Variants in NEBL observed in about 807,000 individuals in gnomAD.
The protein encoded by NEBL is nebulette.
In NEBL, 122 loss-of-function variants were observed where a neutral mutation model predicts 140.2. The observed-to-expected ratio is 0.87, with a 90% CI of 0.75 to 1.01. The LOEUF (loss-of-function observed/expected upper bound fraction) is 1.01. Among genes scored for constraint, NEBL ranks in the 50% least tolerant of loss-of-function variants. The pLI is 0.00. For synonymous variants in NEBL, 436 were observed against 398.9 expected (o/e 1.09, Z -1.11); for missense variants, 1,365 against 1,231.3 (o/e 1.11, Z -1.62).
At chr10:20,819,316 T>C in intron 20 of NEBL, 108 bp downstream of exon 20, 3 of 1,560,114 alleles carry the variant, frequency 1.9e-6, no homozygotes, top group South Asian at 1.1e-5. Context: ...TATTTGGTTT[T>C]ACGTTCCTGT....
At chr10:21,043,313 C>T (rs996730517) in intron 2 of NEBL, among the ~76,000 whole-genome samples, 6 of 152,044 alleles carry the variant, frequency 3.9e-5, no homozygotes, top group Admixed American at 3.9e-4. Flanking sequence ...AAAAAACAGC[C>T]GTCAACATTG....
At chr10:20,837,276 A>G (rs1840991697) in intron 13 of NEBL, among the ~76,000 whole-genome samples, 2 of 152,218 alleles carry the variant, frequency 1.3e-5, no homozygotes, top group South Asian at 4.1e-4. Flanking sequence ...TGAACACATG[A>G]ATTATAAGAA....
At chr10:21,073,630 A>T (rs1159811421) in intron 2 of NEBL, among the ~76,000 whole-genome samples, 3 of 151,626 alleles carry the variant, frequency 2.0e-5, no homozygotes, top group African/African-American at 7.3e-5. Context: ...AAAAAAAAAA[A>T]AAAAAAAGTC....
chr10:21,126,577 A>T (rs1468596202), intron 2 of NEBL, among the ~76,000 whole-genome samples: 1 of 152,206 alleles, frequency 6.6e-6, no homozygotes, highest in African/African-American at 2.4e-5. Context: ...AAAAGGAATC[A>T]TAAAGACCAA....
intron 3 of NEBL, among the ~76,000 whole-genome samples, chr10:20,995,429 C>T (rs543678095): frequency 6.6e-6 from 1 of 152,124 alleles, no homozygotes; most frequent in African/African-American, 2.4e-5. Flanking sequence ...ATGAGAGCTG[C>T]CACATACAAG....
chr10:21,057,374 T>C (rs1283781047), intron 2 of NEBL, among the ~76,000 whole-genome samples: 1 of 151,728 alleles, frequency 6.6e-6, no homozygotes, highest in Non-Finnish European at 1.5e-5. Flanking sequence ...AAAACAGGCA[T>C]CAAAGGGACC....
At chr10:20,798,443 G>A (rs565159931) in intron 26 of NEBL, among the ~76,000 whole-genome samples, 3 of 152,272 alleles carry the variant, frequency 2.0e-5, no homozygotes, top group East Asian at 3.9e-4. Context: ...TGACTCTACT[G>A]TTTTGCACAT....
chr10:20,850,613 T>C, intron 10 of NEBL, 111 bp from the exon 11 acceptor site: 1 of 741,626 alleles, frequency 1.3e-6, no homozygotes. Flanking sequence ...AAAATCATAT[T>C]ATTCTGGCCA....
At chr10:21,286,828 G>T (rs1404894283) in intron 1 of NEBL, among the ~76,000 whole-genome samples, 1 of 149,332 alleles carries the variant, frequency 6.7e-6, no homozygotes, top group Non-Finnish European at 1.5e-5. Context: ...GAAAGAGCAA[G>T]AATCCATCTC....
intron 26 of NEBL, among the ~76,000 whole-genome samples, chr10:20,801,813 T>C (rs948520412): frequency 2.0e-5 from 3 of 152,116 alleles, no homozygotes; most frequent in East Asian, 3.9e-4. Context: ...CTTGCAACTC[T>C]TGAATACGTA....
At chr10:21,014,395 A>T (rs913413732) in intron 3 of NEBL, among the ~76,000 whole-genome samples, 1 of 152,198 alleles carries the variant, frequency 6.6e-6, no homozygotes, top group Non-Finnish European at 1.5e-5. Context: ...AAAATCTGAC[A>T]TGCAATCGGT....
chr10:21,199,789 A>C (rs566388408), intron 3 of NEBL, among the ~76,000 whole-genome samples: 1 of 152,332 alleles, frequency 6.6e-6, no homozygotes, highest in African/African-American at 2.4e-5. Flanking sequence ...TGAGGCTCTC[A>C]CACCCAGTGT....
At chr10:20,837,323 TA>T (rs1389974649) in intron 13 of NEBL, among the ~76,000 whole-genome samples, 6 of 152,208 alleles carry the variant, frequency 3.9e-5, no homozygotes, top group African/African-American at 1.2e-4. Flanking sequence ...GAGAAAGTTT[TA>T]GTGGTCTGAA....
intron 2 of NEBL, chr10:21,030,590 G>A: frequency 1.6e-6 from 1 of 636,234 alleles, no homozygotes. Context: ...ACAAGTGGTG[G>A]GGGAAAAGTA....
intron 2 of NEBL, among the ~76,000 whole-genome samples, chr10:21,168,856 A>G (rs1840917980): frequency 6.6e-6 from 1 of 150,488 alleles, no homozygotes; most frequent in African/African-American, 2.4e-5. Context: ...AGACCATCCT[A>G]GCTAACATGG....
intron 13 of NEBL, among the ~76,000 whole-genome samples, chr10:20,839,511 G>C (rs1388514344): frequency 2.0e-5 from 3 of 152,040 alleles, no homozygotes; most frequent in Non-Finnish European, 4.4e-5. Flanking sequence ...CCCTTGGGAA[G>C]GATTGATTTC....
At chr10:20,860,561 C>CAA (rs879306514) in intron 7 of NEBL, among the ~76,000 whole-genome samples, 18,045 of 61,714 alleles carry the variant, frequency 0.29, 4,353 homozygotes, top group Non-Finnish European at 0.34. Flanking sequence ...AAGTTCACTA[C>CAA]AAAAAGAAAA....
chr10:21,210,068 A>C (rs1841892346), intron 3 of NEBL, among the ~76,000 whole-genome samples: 1 of 152,172 alleles, frequency 6.6e-6, no homozygotes, highest in South Asian at 2.1e-4. Context: ...GTTTAAGATC[A>C]TTTGAAGCAA....
intron 7 of NEBL, among the ~76,000 whole-genome samples, chr10:20,862,048 T>C (rs1843755635): frequency 6.6e-6 from 1 of 152,140 alleles, no homozygotes; most frequent in African/African-American, 2.4e-5. Flanking sequence ...ATATAATTTG[T>C]TGAATACTGT....
Sources: gnomAD v4.1 joint callset for allele counts (sites outside exome capture counted in the v4.1 genomes callset) on GRCh38, gnomAD v4.1.1 for gene constraint, MANE v1.5 for transcripts, NCBI Gene and HGNC (gene_info 2026-07-23, HGNC 2026-07-21) for gene names.